Variants in ABCC4 observed in about 807,000 individuals in gnomAD.
ABCC4 encodes ATP-binding cassette sub-family C member 4.
Under a neutral mutation model 168.5 loss-of-function variants are expected in ABCC4, and 102 were observed. The ratio of observed to expected loss-of-function variants is 0.61; its 90% CI spans 0.52 to 0.71. ABCC4 has a LOEUF of 0.71. Among genes scored for constraint, ABCC4 ranks in the 30% least tolerant of loss-of-function variants. ABCC4 has a pLI of 0.00. For synonymous variants in ABCC4, 617 were observed against 590.7 expected (o/e 1.04, Z -0.65); for missense variants, 1,402 against 1,605.8 (o/e 0.87, Z 2.17).
chr13:95,089,842 C>T (rs1016156729), intron 20 of ABCC4, among the ~76,000 whole-genome samples: 2 of 151,534 alleles, frequency 1.3e-5, no homozygotes, highest in East Asian at 1.9e-4. Context: ...CATGCCACTG[C>T]ACTCCAGCCT....
intron 19 of ABCC4, among the ~76,000 whole-genome samples, chr13:95,149,814 G>A (rs1715685829): frequency 6.6e-6 from 1 of 152,134 alleles, no homozygotes; most frequent in Admixed American, 6.5e-5. Context: ...CAAAATCTCT[G>A]AACTCTTCTA....
chr13:95,171,411 G>T (rs1220921134), intron 13 of ABCC4, among the ~76,000 whole-genome samples: 2 of 150,824 alleles, frequency 1.3e-5, no homozygotes, highest in African/African-American at 2.4e-5. Flanking sequence ...AAAAAAATTA[G>T]CCGGGTGTGG....
At chr13:95,068,823 AAACT>A (rs1317044825) in intron 25 of ABCC4, among the ~76,000 whole-genome samples, 4 of 152,260 alleles carry the variant, frequency 2.6e-5, no homozygotes, top group Non-Finnish European at 5.9e-5. Context: ...CAACGTGGCC[AAACT>A]AACAGAATGA....
intron 30 of ABCC4, among the ~76,000 whole-genome samples, chr13:95,022,011 C>T (rs2031114694): frequency 6.6e-6 from 1 of 152,126 alleles, no homozygotes; most frequent in Non-Finnish European, 1.5e-5. Flanking sequence ...AACAGGGTGA[C>T]AAAGAGGCTG....
At position 95,071,654 on chromosome 13, in the gene ABCC4, A is replaced by C. The variant is rs763827501; in HGVS notation, c.3210+8T>G. 2.1e-6 allele frequency: 3 copies of C among 1,424,944 alleles called. No individual in the cohort carries two copies. Among genetic ancestry groups the C allele is most frequent in the Non-Finnish European group, 2.8e-6 (3 of 1,084,280 alleles). The allele number at this position is 1,424,944 out of a possible 1,614,324, so 88.3% of individuals were successfully genotyped here. On this transcript the variant is annotated splice_region_variant and intron_variant, in intron 25 of 30. Transcript: ENST00000645237. ...AAATTGAGAAGAGGCAAGATGCTTT[A>C]AACAAACCTTTTCTTGTGATTTAAT...
At chr13:95,112,029 C>T (rs923505611) in intron 20 of ABCC4, among the ~76,000 whole-genome samples, 1 of 152,130 alleles carries the variant, frequency 6.6e-6, no homozygotes, top group Non-Finnish European at 1.5e-5. Context: ...ATACAGAAAA[C>T]GTAATCAAAC....
intron 19 of ABCC4, among the ~76,000 whole-genome samples, chr13:95,135,678 T>G (rs1214327432): frequency 2.0e-5 from 3 of 152,172 alleles, no homozygotes; most frequent in Non-Finnish European, 4.4e-5. Flanking sequence ...CCTCCAGAAG[T>G]GCTGGGATTA....
At chr13:95,054,067 C>A (rs2139266962) in intron 26 of ABCC4, 6 of 76,204 alleles carry the variant, frequency 7.9e-5, no homozygotes, top group East Asian at 4.4e-4. Context: ...TTTTTTTGGC[C>A]AAAGGAGATC....
At chr13:95,194,268 A>G (rs1395510865) in intron 9 of ABCC4, among the ~76,000 whole-genome samples, 3 of 152,216 alleles carry the variant, frequency 2.0e-5, no homozygotes, top group Non-Finnish European at 4.4e-5. Context: ...TCAGTCAGGA[A>G]TCCATGGAGC....
intron 30 of ABCC4, among the ~76,000 whole-genome samples, chr13:95,034,266 T>G (rs1250703332): frequency 6.6e-6 from 1 of 152,238 alleles, no homozygotes; most frequent in Non-Finnish European, 1.5e-5. Context: ...TTGCAGAATA[T>G]GAGTACTATG....
chr13:95,220,998 G>A (rs1367917937), intron 4 of ABCC4, among the ~76,000 whole-genome samples: 1 of 152,206 alleles, frequency 6.6e-6, no homozygotes, highest in Non-Finnish European at 1.5e-5. Context: ...GGGTGAGGCA[G>A]AAGTTTTTCA....
intron 13 of ABCC4, among the ~76,000 whole-genome samples, chr13:95,172,040 C>T (rs961584469): frequency 6.6e-6 from 1 of 152,188 alleles, no homozygotes; most frequent in African/African-American, 2.4e-5. Context: ...TGTCCAGTAT[C>T]AGCCAACTCA....
intron 8 of ABCC4, among the ~76,000 whole-genome samples, chr13:95,203,725 G>C (rs562926269): frequency 1.3e-5 from 2 of 152,066 alleles, no homozygotes; most frequent in Non-Finnish European, 2.9e-5. Context: ...AAGTCCAAGA[G>C]GGTTTGAGAT....
At chr13:95,078,223 A>G (rs955073925) in intron 21 of ABCC4, among the ~76,000 whole-genome samples, 7 of 152,076 alleles carry the variant, frequency 4.6e-5, no homozygotes, top group Admixed American at 3.3e-4. Flanking sequence ...TCTATTCTCT[A>G]TCTCTGGCAT....
chr13:95,207,821 T>A lies in ABCC4; in HGVS notation c.890A>T (p.Asn297Ile), dbSNP rs200387797. ...TTACTTTCTCAAATTGGTAATAAGA[T>A]TTGAAAATGACTTTTCCCAGGCGTA... Reference protein sequence around the residue: ...KMYAWEKSFSNLITNLRKKEI... With the variant: ...KMYAWEKSFSILITNLRKKEI... The change falls in exon 7 of 31, where the codon AAT (asparagine) becomes ATT (isoleucine). Residue 297 changes from asparagine (N) to isoleucine (I), a missense_variant. Transcript: ENST00000645237. The A allele has an allele frequency of 6.2e-7, 1 of 1,613,152 alleles. No individual in the cohort carries two copies.
rs1460529509 is a variant in ABCC4 at position 95,163,228 on chromosome 13, G to A, written c.2214-12C>T. 2 of 1,534,638 alleles carry A rather than the reference G, an allele frequency of 1.3e-6. No individual in the cohort carries two copies. The highest frequency in any genetic ancestry group is 8.9e-7 in the Non-Finnish European group (1 of 1,121,048). ...TTTGTTTGTTTGCCCTATGGAACAT[G>A]GGGAGAAAAAAATATTAAGCTATAT... is the stretch of plus-strand genomic sequence containing the variant. On this transcript the variant is annotated splice_polypyrimidine_tract_variant and intron_variant, in intron 17 of 30. Coordinates refer to ENST00000645237, the MANE Select transcript of ABCC4 (RefSeq NM_005845.5).
intron 20 of ABCC4, among the ~76,000 whole-genome samples, chr13:95,112,102 C>T (rs897853853): frequency 1.3e-5 from 2 of 152,138 alleles, no homozygotes; most frequent in African/African-American, 4.8e-5. Context: ...CCTGTAATCC[C>T]ACCACTTTGG....
chr13:95,265,275 T>C (rs1035809754), intron 1 of ABCC4, among the ~76,000 whole-genome samples: 9 of 152,120 alleles, frequency 5.9e-5, no homozygotes, highest in African/African-American at 1.9e-4. Flanking sequence ...GGATGAAGGA[T>C]ATACAGGAGT....
Position 95,044,300 on chromosome 13 carries a change from T to C in ABCC4, c.3595A>G (p.Ile1199Val), listed in dbSNP as rs371951064. 18 of 1,613,400 alleles carry C rather than the reference T, an allele frequency of 1.1e-5. No homozygotes were observed. The African/African-American group carries it at 2.3e-4, about 20-fold the overall frequency. ...RAILRKNQIL[I>V]IDEATANVDP... is the part of the protein sequence containing the mutation. ...ACATTTGCCGTCGCTTCATCAATAATCAATATCTGATTTTTCCTGAGAATT... is the reference window on the plus strand; with the variant it reads ...ACATTTGCCGTCGCTTCATCAATAACCAATATCTGATTTTTCCTGAGAATT... The change falls in exon 28 of 31, where the codon ATT (isoleucine) becomes GTT (valine). Residue 1199 changes from isoleucine to valine, a missense_variant. Ile to Val is a conservative substitution (Grantham distance 29). Around this residue, in one of 3 missense-constraint regions of ABCC4, gnomAD observed 1,007 missense variants for 1,127.3 expected, o/e 0.89. Transcript: ENST00000645237.
Sources: gnomAD v4.1 joint callset for allele counts (sites outside exome capture counted in the v4.1 genomes callset) on GRCh38, gnomAD v4.1.1 for gene constraint, gnomAD v4.1.1 regional missense constraint, MANE v1.5 for transcripts, NCBI Gene and HGNC (gene_info 2026-07-23, HGNC 2026-07-21) for gene names.